PHAX: variants seen among roughly 807,000 people sequenced by gnomAD.
PHAX encodes the protein phosphorylated adaptor for RNA export.
Under a neutral mutation model 41.6 loss-of-function variants are expected in PHAX, and 31 were observed. The ratio of observed to expected loss-of-function variants is 0.75; its 90% CI spans 0.56 to 1.01. The LOEUF is 1.01. Ranked by LOEUF, PHAX falls within the 50% of genes least tolerant of loss-of-function variation. The probability of loss-of-function intolerance (pLI) is 0.00; values close to 1 mark genes in which losing one functional copy is unlikely to be tolerated. For missense variants in PHAX, 453 were observed against 472.9 expected, an observed-to-expected ratio of 0.96 and a Z score of 0.39; for synonymous variants, 175 against 164.9, an observed-to-expected ratio of 1.06 and a Z score of -0.47.
intron 3 of PHAX, among the ~76,000 whole-genome samples, chr5:126,616,048 T>A (rs899173468): frequency 4.3e-5 from 3 of 70,240 alleles, no homozygotes; most frequent in African/African-American, 2.8e-4. Context: ...AACCACCAAC[T>A]TTTTTTTTTT....
chr5:126,611,583 C>T (rs1261253763), intron 3 of PHAX, among the ~76,000 whole-genome samples: 1 of 151,910 alleles, frequency 6.6e-6, no homozygotes, highest in Non-Finnish European at 1.5e-5. Context: ...TACAGGAGTT[C>T]GAGACCAGCC....
At chr5:126,611,333 C>T (rs372006674) in intron 3 of PHAX, among the ~76,000 whole-genome samples, 94 of 152,266 alleles carry the variant, frequency 6.2e-4, no homozygotes, top group African/African-American at 1.8e-3. Flanking sequence ...GGATTACAGG[C>T]GTGAGGCACC....
chr5:126,612,657 C>CA (rs1752120900), intron 3 of PHAX, among the ~76,000 whole-genome samples: 1 of 151,914 alleles, frequency 6.6e-6, no homozygotes, highest in Non-Finnish European at 1.5e-5. Context: ...GCCGGGATTG[C>CA]GCCATTGGAC....
At chr5:126,608,304 G>A in intron 2 of PHAX, 60 bp from the exon 3 acceptor site, 2 of 1,546,148 alleles carry the variant, frequency 1.3e-6, no homozygotes, top group Non-Finnish European at 1.7e-6. Context: ...GGTGACTAAG[G>A]TAGATTTCTT....
chr5:126,613,200 T>C (rs1752132616), intron 3 of PHAX, among the ~76,000 whole-genome samples: 1 of 151,952 alleles, frequency 6.6e-6, no homozygotes, highest in Non-Finnish European at 1.5e-5. Context: ...AATACAAAAA[T>C]TAGCCGGGTG....
At chr5:126,622,169 C>G (rs1581423409) in intron 4 of PHAX, among the ~76,000 whole-genome samples, 4 of 151,910 alleles carry the variant, frequency 2.6e-5, no homozygotes. Context: ...GAGTCTTGCT[C>G]TATCGCCAGG....
chr5:126,624,747 CCT>C lies in PHAX; in HGVS notation c.1093_1094del (p.Leu365Ter). 1.9e-6 allele frequency: 3 copies of C among 1,614,144 alleles called. No homozygotes were observed. The highest frequency in any genetic ancestry group is 2.5e-6 in the Non-Finnish European group (3 of 1,180,004). Reference sequence around the variant, plus strand: ...GCAAGTGACACGAATGAGGCCTTGGCCTCTCTTGATGAGTCACAGGAAGGACA... The same window carrying C: ...GCAAGTGACACGAATGAGGCCTTGGCCTCTTGATGAGTCACAGGAAGGACA... On this transcript the variant is annotated frameshift_variant, in exon 5 of 5. Coordinates refer to ENST00000297540, the MANE Select transcript of PHAX (RefSeq NM_032177.4). LOFTEE classifies it high-confidence loss of function.
At chr5:126,602,199 G>C (rs1206803286) in intron 1 of PHAX, among the ~76,000 whole-genome samples, 1 of 152,200 alleles carries the variant, frequency 6.6e-6, no homozygotes, top group Non-Finnish European at 1.5e-5. Flanking sequence ...CACCCGCCTC[G>C]GCCTCCCAAA....
At chr5:126,603,499 A>C in intron 1 of PHAX, 71 bp from the exon 2 acceptor site, 1 of 1,501,986 alleles carries the variant, frequency 6.7e-7, no homozygotes, top group Middle Eastern at 1.8e-4. Context: ...TTGAATCTCT[A>C]AATTTTTAAA....
At chr5:126,602,930 G>A (rs566469617) in intron 1 of PHAX, among the ~76,000 whole-genome samples, 130 of 151,846 alleles carry the variant, frequency 8.6e-4, no homozygotes, top group Middle Eastern at 3.4e-3. Flanking sequence ...GTGTGAACCC[G>A]GGAGGCGGAG....
chr5:126,603,755 A>C lies in PHAX; in HGVS notation c.282A>C (p.Pro94=), dbSNP rs772971243. The C allele has an allele frequency of 1.9e-6, 3 of 1,614,160 alleles. No homozygotes were observed. The Admixed American group carries it at 5.0e-5, about 27-fold the overall frequency. The part of the protein sequence containing the change: ...RQKCFNPPPK[P]EPFQFGQSSQ... Reference sequence around the variant, plus strand: ...AATGTTTTAACCCTCCTCCCAAACCAGAGCCTTTTCAGTTTGGCCAGAGCA... The same window carrying C: ...AATGTTTTAACCCTCCTCCCAAACCCGAGCCTTTTCAGTTTGGCCAGAGCA... The change falls in exon 2 of 5, where the codon CCA becomes CCC. Residue 94 remains proline, a synonymous_variant. Coordinates refer to ENST00000297540, the MANE Select transcript of PHAX (RefSeq NM_032177.4).
At chr5:126,618,670 GTTTTT>G (rs1310062519) in intron 4 of PHAX, among the ~76,000 whole-genome samples, 2 of 120,366 alleles carry the variant, frequency 1.7e-5, no homozygotes, top group Non-Finnish European at 3.4e-5. Flanking sequence ...TTTAAAAACT[GTTTTT>G]TTTTTTTTTG....
rs1751923767 is a variant in PHAX at position 126,602,765 on chromosome 5, G to A, written c.97-805G>A. On this transcript the variant is annotated intron_variant, in intron 1 of 4. Coordinates refer to ENST00000297540, the MANE Select transcript of PHAX (RefSeq NM_032177.4). Reference sequence around the variant, plus strand: ...CACGCCTGTAATCCCAGCACTTTGGGAGGCCGAGGCGGGTGGATCACGAGG... The same window carrying A: ...CACGCCTGTAATCCCAGCACTTTGGAAGGCCGAGGCGGGTGGATCACGAGG... Among the ~76,000 whole-genome samples the A allele has an allele frequency of 2.0e-5, 3 of 152,144 alleles. No individual in the cohort carries two copies. The South Asian group carries it at 6.2e-4, about 31-fold the overall frequency.
intron 3 of PHAX, among the ~76,000 whole-genome samples, chr5:126,609,287 G>A (rs1752041907): frequency 1.3e-5 from 2 of 151,704 alleles, no homozygotes; most frequent in African/African-American, 4.8e-5. Flanking sequence ...TTTTAGTAGA[G>A]ACGGGGTTTC....
rs547572243 is a variant in PHAX at position 126,618,355 on chromosome 5, C to T, written c.915+1022C>T. ...GAGTCTGGAGTGAGTGTACAGTTAA[C>T]ACTTCAGCTTGGTGCCATCCCCCAC... On this transcript the variant is annotated intron_variant, in intron 4 of 4. Transcript: ENST00000297540. Among the ~76,000 whole-genome samples the T allele has an allele frequency of 9.9e-4, 150 of 151,884 alleles. 1 individual carries two copies. Among genetic ancestry groups the T allele is most frequent in the African/African-American group, 3.5e-3 (146 of 41,426 alleles).
At chr5:126,602,613 A>G (rs577831872) in intron 1 of PHAX, among the ~76,000 whole-genome samples, 1 of 152,370 alleles carries the variant, frequency 6.6e-6, no homozygotes, top group African/African-American at 2.4e-5. Context: ...GGAAATTAGT[A>G]CCAAGATATT....
intron 1 of PHAX, among the ~76,000 whole-genome samples, chr5:126,602,042 C>T (rs919419164): frequency 6.6e-6 from 1 of 152,214 alleles, no homozygotes; most frequent in Non-Finnish European, 1.5e-5. Flanking sequence ...AACTCCCAAC[C>T]TCAGGTGATC....
chr5:126,611,346 G>A (rs868585454), intron 3 of PHAX, among the ~76,000 whole-genome samples: 2 of 152,132 alleles, frequency 1.3e-5, no homozygotes, highest in Middle Eastern at 3.4e-3. Flanking sequence ...GAGGCACCAC[G>A]CCCGGCCTCC....
At chr5:126,616,802 C>A in intron 3 of PHAX, among the ~76,000 whole-genome samples, 1 of 151,612 alleles carries the variant, frequency 6.6e-6, no homozygotes, top group African/African-American at 2.4e-5. Context: ...AACGCTTGAA[C>A]CCCGGAGGGC....
Sources: gnomAD v4.1 joint callset for allele counts (sites outside exome capture counted in the v4.1 genomes callset) on GRCh38, gnomAD v4.1.1 for gene constraint, MANE v1.5 for transcripts, NCBI Gene and HGNC (gene_info 2026-07-23, HGNC 2026-07-21) for gene names.